The following MLLT3 variants were observed in gnomAD, a reference collection of about 807,000 sequenced individuals.
MLLT3 encodes MLLT3 super elongation complex subunit, also known as protein AF-9.
MLLT3 carries 4 observed loss-of-function variants against 53.2 expected under a neutral mutation model. The ratio of observed to expected loss-of-function variants is 0.08; its 90% CI spans 0.04 to 0.17. The LOEUF is 0.17. MLLT3 is among the 10% of genes least tolerant of loss of function. The probability of loss-of-function intolerance (pLI) is 1.00; values close to 1 mark genes in which losing one functional copy is unlikely to be tolerated. For synonymous variants in MLLT3, 283 were observed against 230.6 expected, an observed-to-expected ratio of 1.23 and a Z score of -2.06; for missense variants, 569 against 684.0, an observed-to-expected ratio of 0.83 and a Z score of 1.87.
chr9:20,440,992 A>G (rs1203585251), intron 4 of MLLT3, among the ~76,000 whole-genome samples: 1 of 152,176 alleles, frequency 6.6e-6, no homozygotes, highest in Admixed American at 6.5e-5. Flanking sequence ...GTCTGCAGAA[A>G]GAAATGGGGC....
chr9:20,455,593 T>G (rs1025117561), intron 3 of MLLT3, among the ~76,000 whole-genome samples: 2 of 152,132 alleles, frequency 1.3e-5, no homozygotes, highest in Non-Finnish European at 2.9e-5. Context: ...TACTGAGCAC[T>G]GGTTTGGATA....
At chr9:20,530,683 T>G (rs1369445132) in intron 2 of MLLT3, among the ~76,000 whole-genome samples, 1 of 152,228 alleles carries the variant, frequency 6.6e-6, no homozygotes, top group East Asian at 1.9e-4. Context: ...TGCTTGCACA[T>G]TTTGGGTTTT....
chr9:20,595,820 C>T (rs1820247189), intron 2 of MLLT3, among the ~76,000 whole-genome samples: 1 of 152,184 alleles, frequency 6.6e-6, no homozygotes, highest in South Asian at 2.1e-4. Context: ...CACAAAAGCA[C>T]ATATACTATC....
chr9:20,350,755 G>A (rs1394667276), intron 10 of MLLT3, among the ~76,000 whole-genome samples: 1 of 152,134 alleles, frequency 6.6e-6, no homozygotes, highest in Non-Finnish European at 1.5e-5. Context: ...GTACTACGCA[G>A]GCTGTTGGAT....
At chr9:20,521,772 C>T (rs141013404) in intron 2 of MLLT3, among the ~76,000 whole-genome samples, 100 of 152,220 alleles carry the variant, frequency 6.6e-4, no homozygotes, top group African/African-American at 2.3e-3. Context: ...GGAGAAAAAT[C>T]CCTTATTGTT....
intron 5 of MLLT3, among the ~76,000 whole-genome samples, chr9:20,403,691 C>G (rs566657697): frequency 3.3e-5 from 5 of 152,288 alleles, no homozygotes; most frequent in African/African-American, 1.2e-4. Flanking sequence ...GTCTGAGGCT[C>G]ACTTTAAATT....
chr9:20,351,117 T>C (rs186243504), intron 10 of MLLT3, among the ~76,000 whole-genome samples: 31 of 152,352 alleles, frequency 2.0e-4, no homozygotes, highest in Admixed American at 1.9e-3. Context: ...TGCTGAGATA[T>C]GACAAGTAAT....
At chr9:20,509,368 TG>T (rs1337994127) in intron 2 of MLLT3, among the ~76,000 whole-genome samples, 3 of 152,148 alleles carry the variant, frequency 2.0e-5, no homozygotes, top group African/African-American at 7.2e-5. Flanking sequence ...TGAAATGTAG[TG>T]GGGGAAAAGC....
chr9:20,450,739 A>G (rs935229275), intron 3 of MLLT3, among the ~76,000 whole-genome samples: 72 of 152,288 alleles, frequency 4.7e-4, no homozygotes, highest in Admixed American at 5.2e-4. Context: ...GATGTCCCTC[A>G]TGGCATTCCT....
intron 2 of MLLT3, among the ~76,000 whole-genome samples, chr9:20,566,483 C>T (rs888847209): frequency 6.6e-6 from 1 of 152,202 alleles, no homozygotes; most frequent in Admixed American, 6.6e-5. Context: ...CCAATCCCTG[C>T]TAACCATTTG....
chr9:20,504,753 G>A (rs1413741772), intron 2 of MLLT3, among the ~76,000 whole-genome samples: 1 of 152,060 alleles, frequency 6.6e-6, no homozygotes, highest in Non-Finnish European at 1.5e-5. Context: ...CACAAAACAT[G>A]ATGAGTACCT....
At chr9:20,504,595 A>G (rs1388376747) in intron 2 of MLLT3, among the ~76,000 whole-genome samples, 1 of 152,070 alleles carries the variant, frequency 6.6e-6, no homozygotes, top group Non-Finnish European at 1.5e-5. Context: ...GGGCAGGTGG[A>G]GAGTTGGGGA....
chr9:20,609,061 A>G (rs1820637970), intron 2 of MLLT3, among the ~76,000 whole-genome samples: 1 of 152,018 alleles, frequency 6.6e-6, no homozygotes, highest in African/African-American at 2.4e-5. Flanking sequence ...AGAAGCATTA[A>G]CTATAAGCTA....
chr9:20,520,096 G>A (rs370020723), intron 2 of MLLT3, among the ~76,000 whole-genome samples: 44 of 152,220 alleles, frequency 2.9e-4, no homozygotes, highest in African/African-American at 9.9e-4. Flanking sequence ...CTTAACACAG[G>A]AACAGAAAGC....
chr9:20,419,165 G>A (rs1225272982), intron 4 of MLLT3, among the ~76,000 whole-genome samples: 4 of 152,026 alleles, frequency 2.6e-5, no homozygotes, highest in Non-Finnish European at 5.9e-5. Flanking sequence ...AGAATCAAGT[G>A]AAGTATAAAA....
chr9:20,578,693 A>G (rs978769726), intron 2 of MLLT3, among the ~76,000 whole-genome samples: 1 of 152,080 alleles, frequency 6.6e-6, no homozygotes, highest in African/African-American at 2.4e-5. Context: ...TAATTAATTA[A>G]AAATTTTAAA....
At chr9:20,518,062 G>A (rs1184996230) in intron 2 of MLLT3, among the ~76,000 whole-genome samples, 1 of 151,936 alleles carries the variant, frequency 6.6e-6, no homozygotes, top group Admixed American at 6.5e-5. Context: ...ATGGTAGGCT[G>A]AGCGCTGTGG....
At chr9:20,459,365 G>C (rs967227086) in intron 2 of MLLT3, among the ~76,000 whole-genome samples, 6 of 152,114 alleles carry the variant, frequency 3.9e-5, no homozygotes, top group Non-Finnish European at 5.9e-5. Flanking sequence ...CCTGTCAACC[G>C]ATCATGAATA....
chr9:20,557,930 G>C (rs1587067449), intron 2 of MLLT3, among the ~76,000 whole-genome samples: 1 of 152,178 alleles, frequency 6.6e-6, no homozygotes, highest in Admixed American at 6.5e-5. Flanking sequence ...AAAATAATTA[G>C]AGGGGGATAA....
Sources: allele counts gnomAD v4.1 joint callset (sites outside exome capture counted in the v4.1 genomes callset), GRCh38; gene constraint gnomAD v4.1.1; transcripts MANE v1.5; gene names NCBI Gene and HGNC (gene_info 2026-07-23, HGNC 2026-07-21).